ST3GAL3: variants seen among roughly 807,000 people sequenced by gnomAD.
ST3GAL3 encodes CMP-N-acetylneuraminate-beta-1,4-galactoside alpha-2,3-sialyltransferase.
A neutral mutation model predicts 50.1 loss-of-function variants in ST3GAL3; 21 were observed. The ratio of observed to expected loss-of-function variants is 0.42; its 90% CI spans 0.30 to 0.60. The LOEUF is 0.60. Among genes scored for constraint, ST3GAL3 ranks in the 20% least tolerant of loss-of-function variants. ST3GAL3 has a pLI of 0.19. For synonymous variants in ST3GAL3, 183 were observed against 190.0 expected, an observed-to-expected ratio of 0.96 and a Z score of 0.30; for missense variants, 353 against 489.4, an observed-to-expected ratio of 0.72 and a Z score of 2.63.
intron 9 of ST3GAL3, chr1:43,920,069 C>G (rs1421290652): frequency 5.1e-6 from 2 of 389,166 alleles, no homozygotes; most frequent in East Asian, 1.2e-4. Context: ...GGCAGCTGCA[C>G]TGCTGGGTCT....
At chr1:43,866,410 C>T (rs1332248967) in intron 5 of ST3GAL3, among the ~76,000 whole-genome samples, 1 of 152,040 alleles carries the variant, frequency 6.6e-6, no homozygotes, top group Non-Finnish European at 1.5e-5. Context: ...AACCCCATCT[C>T]TGCTAAAAAT....
At chr1:43,858,167 A>T in intron 5 of ST3GAL3, 1 of 1,289,410 alleles carries the variant, frequency 7.8e-7, no homozygotes, top group Non-Finnish European at 1.0e-6. Context: ...AGACAAAAAC[A>T]TATCCAGGCA....
intron 2 of ST3GAL3, among the ~76,000 whole-genome samples, chr1:43,766,494 TG>T (rs765762592): frequency 9.9e-5 from 15 of 152,024 alleles, no homozygotes; most frequent in Non-Finnish European, 2.1e-4. Flanking sequence ...ACCTGGCGGT[TG>T]GGGTAGGACA....
chr1:43,776,264 C>T (rs1697211000), intron 2 of ST3GAL3, among the ~76,000 whole-genome samples: 1 of 152,142 alleles, frequency 6.6e-6, no homozygotes, highest in South Asian at 2.1e-4. Flanking sequence ...CTTTCTGTCA[C>T]CGTAGATTTG....
At chr1:43,884,434 G>A (rs547022165) in intron 5 of ST3GAL3, among the ~76,000 whole-genome samples, 5 of 152,216 alleles carry the variant, frequency 3.3e-5, no homozygotes, top group Non-Finnish European at 7.3e-5. Context: ...TTTAGAAAGT[G>A]TTCGCATTAC....
intron 3 of ST3GAL3, among the ~76,000 whole-genome samples, chr1:43,800,711 C>T (rs1271339399): frequency 6.6e-6 from 1 of 152,122 alleles, no homozygotes; most frequent in Non-Finnish European, 1.5e-5. Flanking sequence ...CCTCATGGGG[C>T]TGTATAGGTG....
At chr1:43,723,767 ATGCC>A (rs1412257130) in intron 1 of ST3GAL3, among the ~76,000 whole-genome samples, 1 of 152,048 alleles carries the variant, frequency 6.6e-6, no homozygotes, top group Non-Finnish European at 1.5e-5. Context: ...ACACATCACC[ATGCC>A]TGGCTAATTT....
At chr1:43,803,327 C>T (rs892106507) in intron 3 of ST3GAL3, among the ~76,000 whole-genome samples, 2 of 151,454 alleles carry the variant, frequency 1.3e-5, no homozygotes, top group African/African-American at 4.9e-5. Context: ...ATCACTTGGG[C>T]CCAGCAGTTT....
At chr1:43,759,065 G>GCGCACA (rs60386464) in intron 2 of ST3GAL3, among the ~76,000 whole-genome samples, 1,722 of 75,348 alleles carry the variant, frequency 0.023, 15 homozygotes, top group East Asian at 0.098. Context: ...AAAAGCGCGC[G>GCGCACA]CACACACACA....
At chr1:43,713,665 G>C (rs897377867) in intron 1 of ST3GAL3, among the ~76,000 whole-genome samples, 2 of 151,568 alleles carry the variant, frequency 1.3e-5, no homozygotes, top group Non-Finnish European at 2.9e-5. Flanking sequence ...CAGATAGCTG[G>C]TACCACAGGC....
intron 5 of ST3GAL3, among the ~76,000 whole-genome samples, chr1:43,880,909 A>T (rs1466185165): frequency 6.6e-6 from 1 of 152,110 alleles, no homozygotes; most frequent in South Asian, 2.1e-4. Context: ...TGTCATTGCT[A>T]TTATTACTGT....
chr1:43,869,520 A>T (rs765231821), intron 5 of ST3GAL3, among the ~76,000 whole-genome samples: 1 of 152,232 alleles, frequency 6.6e-6, no homozygotes, highest in Non-Finnish European at 1.5e-5. Flanking sequence ...AACAGGGAGC[A>T]TAGAAGGAGA....
chr1:43,824,707 A>C, intron 4 of ST3GAL3: 2 of 1,613,914 alleles, frequency 1.2e-6, no homozygotes, highest in Non-Finnish European at 1.7e-6. Flanking sequence ...TCAAGACTGA[A>C]AAAGCCAAAT....
rs191743454 is a variant in ST3GAL3, at chr1:43,898,846, C to T, written c.462-322C>T. Among the ~76,000 whole-genome samples, 218 of 152,302 alleles carry T rather than the reference C, an allele frequency of 1.4e-3. 1 individual carries two copies. The highest frequency in any genetic ancestry group is 2.3e-3 in the Non-Finnish European group (155 of 68,026). ...CTGAAGCCTGCCTAAACACCACTAC[C>T]CCTTGGGGAACCTTTACCCTAGAAT... On this transcript the variant is annotated intron_variant, in intron 7 of 11. Coordinates refer to ENST00000347631, the MANE Select transcript of ST3GAL3 (RefSeq NM_006279.5).
intron 1 of ST3GAL3, among the ~76,000 whole-genome samples, chr1:43,718,489 A>G (rs752265232): frequency 6.6e-6 from 1 of 150,854 alleles, no homozygotes; most frequent in African/African-American, 2.4e-5. Context: ...GCGCCTGTCT[A>G]TCATTAAATC....
At chr1:43,819,792 G>A (rs1299842736) in intron 4 of ST3GAL3, among the ~76,000 whole-genome samples, 1 of 152,142 alleles carries the variant, frequency 6.6e-6, no homozygotes, top group Non-Finnish European at 1.5e-5. Flanking sequence ...CCCTCTAGTA[G>A]TACCCAGTAT....
At chr1:43,763,152 C>T (rs1053498032) in intron 2 of ST3GAL3, among the ~76,000 whole-genome samples, 7 of 152,078 alleles carry the variant, frequency 4.6e-5, no homozygotes, top group African/African-American at 1.7e-4. Context: ...GAATGTTTAC[C>T]AGTAGAGAAC....
At chr1:43,889,562 T>C (rs768330938) in intron 5 of ST3GAL3, among the ~76,000 whole-genome samples, 3 of 152,242 alleles carry the variant, frequency 2.0e-5, no homozygotes, top group Non-Finnish European at 4.4e-5. Context: ...TAGTGGGGTA[T>C]ACCCTAAGGC....
At chr1:43,724,384 T>G (rs1325763810) in intron 1 of ST3GAL3, among the ~76,000 whole-genome samples, 1 of 144,286 alleles carries the variant, frequency 6.9e-6, no homozygotes, top group East Asian at 2.0e-4. Flanking sequence ...CTATTTTCAT[T>G]TTTTTTTTTT....
Sources: allele counts gnomAD v4.1 joint callset (sites outside exome capture counted in the v4.1 genomes callset), GRCh38; gene constraint gnomAD v4.1.1; transcripts MANE v1.5; gene names NCBI Gene and HGNC (gene_info 2026-07-23, HGNC 2026-07-21).